The following TLK1 variants were observed in gnomAD, a reference collection of about 807,000 sequenced individuals.
TLK1 encodes serine/threonine-protein kinase tousled-like 1.
In TLK1, 24 loss-of-function variants were observed where a neutral mutation model predicts 105.3. The ratio of observed to expected loss-of-function variants is 0.23; its 90% confidence interval spans 0.17 to 0.32. The LOEUF (loss-of-function observed/expected upper bound fraction) is 0.32, where lower values mean the gene tolerates loss of function less well. Among genes scored for constraint, TLK1 ranks in the 10% least tolerant of loss-of-function variants. The pLI is 1.00. For missense variants in TLK1, 558 were observed against 910.5 expected (o/e 0.61, Z 4.98); for synonymous variants, 321 against 310.4 (o/e 1.03, Z -0.36).
chr2:171,129,865 C>CATAACATAAT (rs1299445085), intron 1 of TLK1, among the ~76,000 whole-genome samples: 1 of 152,020 alleles, frequency 6.6e-6, no homozygotes, highest in East Asian at 1.9e-4. Flanking sequence ...CATAACATAA[C>CATAACATAAT]ATAACATAAC....
At chr2:171,065,502 A>T (rs1687945840) in intron 3 of TLK1, among the ~76,000 whole-genome samples, 1 of 152,010 alleles carries the variant, frequency 6.6e-6, no homozygotes. Context: ...ATTCAGCCAA[A>T]GACTGGTTTC....
At chr2:171,089,569 A>T (rs1473145104) in intron 2 of TLK1, among the ~76,000 whole-genome samples, 1 of 152,232 alleles carries the variant, frequency 6.6e-6, no homozygotes, top group African/African-American at 2.4e-5. Flanking sequence ...TTTGTCATAG[A>T]TCAAGTTACT....
intron 1 of TLK1, among the ~76,000 whole-genome samples, chr2:171,225,438 G>A (rs1269561428): frequency 1.3e-5 from 2 of 152,054 alleles, no homozygotes; most frequent in African/African-American, 4.8e-5. Flanking sequence ...CACCCACCAG[G>A]ATGACTATAA....
intron 12 of TLK1, 60 bp from the exon 13 acceptor site, chr2:171,015,008 T>C (rs1685106704): frequency 7.9e-7 from 1 of 1,261,628 alleles, no homozygotes; most frequent in African/African-American, 1.5e-5. Context: ...AAAAAAGATA[T>C]TTTTACCCAT....
At chr2:171,073,704 T>C (rs1244110345) in intron 3 of TLK1, among the ~76,000 whole-genome samples, 1 of 152,134 alleles carries the variant, frequency 6.6e-6, no homozygotes, top group Non-Finnish European at 1.5e-5. Flanking sequence ...TGCCTGAATA[T>C]AGGTCTCTAA....
At chr2:171,044,329 C>T (rs182095022) in intron 11 of TLK1, among the ~76,000 whole-genome samples, 1 of 152,128 alleles carries the variant, frequency 6.6e-6, no homozygotes, top group South Asian at 2.1e-4. Context: ...AGAATTCTTA[C>T]ATGTGAGAGG....
chr2:171,120,248 GAAAAAA>G (rs71008751), intron 1 of TLK1, among the ~76,000 whole-genome samples: 1 of 47,048 alleles, frequency 2.1e-5, no homozygotes. Flanking sequence ...GACTCCGTCA[GAAAAAA>G]AAAAAAAAAA....
In TLK1 at chr2:170,990,854, T is replaced by C. The variant is rs1683755103; in HGVS notation, c.*2926A>G. 2 of 148,670 alleles carry C rather than the reference T, an allele frequency of 1.3e-5. No individual in the cohort carries two copies. The highest frequency in any genetic ancestry group is 2.5e-5 in the African/African-American group (1 of 40,072). The allele number at this position is 148,670 out of a possible 1,614,324, so 9.2% of individuals were successfully genotyped here. A position where few individuals can be genotyped will look rare whatever the true frequency, so the allele number is the denominator to read the frequency against. On this transcript the variant is annotated 3_prime_UTR_variant, in exon 21 of 21. Transcript: ENST00000431350. ...CAACATTACTGCATTTAATAAGTAA[T>C]GATGAACAGCAAAACAACACACAAT...
chr2:171,099,135 A>C (rs1478420344), intron 2 of TLK1, among the ~76,000 whole-genome samples: 1 of 152,216 alleles, frequency 6.6e-6, no homozygotes, highest in Non-Finnish European at 1.5e-5. Flanking sequence ...AATAACAGCA[A>C]AACTATTAAA....
chr2:171,073,232 G>C (rs957328347), intron 3 of TLK1, among the ~76,000 whole-genome samples: 1 of 152,012 alleles, frequency 6.6e-6, no homozygotes, highest in South Asian at 2.1e-4. Flanking sequence ...CTGCTCTAGC[G>C]AGGACTTCCC....
At chr2:171,110,457 G>A (rs1224979101) in intron 2 of TLK1, among the ~76,000 whole-genome samples, 1 of 152,234 alleles carries the variant, frequency 6.6e-6, no homozygotes, top group East Asian at 1.9e-4. Flanking sequence ...GACAGAGCAA[G>A]ACTGTCTCAA....
At chr2:171,088,978 G>A (rs1312487643) in intron 2 of TLK1, among the ~76,000 whole-genome samples, 1 of 152,132 alleles carries the variant, frequency 6.6e-6, no homozygotes, top group East Asian at 1.9e-4. Context: ...TCCACTTTCC[G>A]GGCTCAAGTG....
At chr2:171,207,720 A>G (rs1261023662) in intron 1 of TLK1, among the ~76,000 whole-genome samples, 1 of 152,168 alleles carries the variant, frequency 6.6e-6, no homozygotes, top group African/African-American at 2.4e-5. Context: ...GGGAGTCTAG[A>G]CTAGTCAATG....
intron 11 of TLK1, among the ~76,000 whole-genome samples, chr2:171,034,713 TTAAA>T (rs1162581389): frequency 6.6e-6 from 1 of 152,188 alleles, no homozygotes; most frequent in Non-Finnish European, 1.5e-5. Flanking sequence ...CTGTACATCT[TTAAA>T]TGGTTATTCG....
intron 14 of TLK1, among the ~76,000 whole-genome samples, chr2:171,009,775 A>C (rs1684819495): frequency 1.3e-5 from 2 of 152,230 alleles, no homozygotes; most frequent in African/African-American, 2.4e-5. Context: ...CAAATTAATA[A>C]AATTAGTAAA....
intron 1 of TLK1, among the ~76,000 whole-genome samples, chr2:171,215,407 T>G (rs1294529064): frequency 6.6e-6 from 1 of 151,226 alleles, no homozygotes; most frequent in Non-Finnish European, 1.5e-5. Flanking sequence ...GTGATGCTCT[T>G]TTTCCTCAGC....
intron 1 of TLK1, among the ~76,000 whole-genome samples, chr2:171,149,216 G>T (rs1186982090): frequency 1.3e-5 from 2 of 149,092 alleles, no homozygotes; most frequent in African/African-American, 5.0e-5. Flanking sequence ...AAAAAAAAGG[G>T]TAGGGGCGGG....
intron 1 of TLK1, among the ~76,000 whole-genome samples, chr2:171,186,383 C>T (rs575425669): frequency 6.6e-6 from 1 of 152,278 alleles, no homozygotes; most frequent in East Asian, 1.9e-4. Flanking sequence ...GGAGATGAGA[C>T]AGTCCCCTCC....
intron 1 of TLK1, among the ~76,000 whole-genome samples, chr2:171,118,358 G>A (rs1336706767): frequency 1.3e-5 from 2 of 152,062 alleles, no homozygotes; most frequent in African/African-American, 2.4e-5. Flanking sequence ...GTAACTATGC[G>A]ACATTACCAC....
Sources: gnomAD v4.1 joint callset for allele counts (sites outside exome capture counted in the v4.1 genomes callset) on GRCh38, gnomAD v4.1.1 for gene constraint, MANE v1.5 for transcripts, NCBI Gene and HGNC (gene_info 2026-07-23, HGNC 2026-07-21) for gene names.